MS4A14: variants seen among roughly 807,000 people sequenced by gnomAD.
MS4A14 encodes the protein membrane-spanning 4-domains subfamily A member 14.
MS4A14 carries 18 observed loss-of-function variants against 16.7 expected under a neutral mutation model. The ratio of observed to expected loss-of-function variants is 1.08; its 90% CI spans 0.75 to 1.60. The LOEUF (loss-of-function observed/expected upper bound fraction) is 1.60, where lower values mean the gene tolerates loss of function less well. MS4A14 is among the 40% of genes most tolerant of loss of function. The pLI, the probability that MS4A14 is intolerant of heterozygous loss-of-function variation, is 0.00. For missense variants in MS4A14, 812 were observed against 775.3 expected (o/e 1.05, Z -0.56); for synonymous variants, 305 against 289.4 (o/e 1.05, Z -0.55).
Position 60,416,880 on chromosome 11 carries a change from A to G in MS4A14, c.1912A>G (p.Lys638Glu), listed in dbSNP as rs772826226. The change falls in exon 5 of 5, where the codon AAA (lysine) becomes GAA (glutamate). Residue 638 changes from lysine to glutamate, a missense_variant. Transcript: ENST00000300187. ...GQQAQVEKVP[K>E]LLCQDSESQI... ...GCAAGCTCAGGTGGAGAAAGTGCCAAAACTGTTATGCCAAGATTCAGAATC... is the reference window on the plus strand; with the variant it reads ...GCAAGCTCAGGTGGAGAAAGTGCCAGAACTGTTATGCCAAGATTCAGAATC... 6.2e-7 allele frequency: 1 copy of G among 1,613,644 alleles called. No individual in the cohort carries two copies. The highest frequency in any genetic ancestry group is 2.2e-5 in the East Asian group (1 of 44,874).
In MS4A14 at chr11:60,416,487, G is replaced by T. The variant is rs756863646; in HGVS notation, c.1519G>T (p.Ala507Ser). The change falls in exon 5 of 5, where the codon GCC (alanine) becomes TCC (serine). Residue 507 changes from alanine to serine, a missense_variant. Coordinates refer to ENST00000300187, the MANE Select transcript of MS4A14 (RefSeq NM_032597.5). Reference sequence around the variant, plus strand: ...AAGGAGACATTCTTTAGACGTGCAAGCCAAAGGCCAGAAATCCTCAAAGAG... The same window carrying T: ...AAGGAGACATTCTTTAGACGTGCAATCCAAAGGCCAGAAATCCTCAAAGAG... ...YLRRHSLDVQAKGQKSSKRHS... is the reference protein window; with the variant it reads ...YLRRHSLDVQSKGQKSSKRHS... 1 of 1,613,778 alleles carries T rather than the reference G, an allele frequency of 6.2e-7. No homozygotes were observed. The highest frequency in any genetic ancestry group is 8.5e-7 in the Non-Finnish European group (1 of 1,179,926).
chr11:60,414,417 T>A (rs2085908654), intron 4 of MS4A14, among the ~76,000 whole-genome samples: 1 of 152,136 alleles, frequency 6.6e-6, no homozygotes, highest in South Asian at 2.1e-4. Flanking sequence ...GAGGTAAGCA[T>A]AATTAATTCA....
In MS4A14 at chr11:60,406,029, C is replaced by T. The variant is rs2085781452; in HGVS notation, c.468+2968C>T. 3 of 1,258,298 alleles carry T rather than the reference C, an allele frequency of 2.4e-6. No homozygotes were observed. In the East Asian group the frequency reaches 8.4e-5, roughly 35 times the overall value. The allele number at this position is 1,258,298 out of a possible 1,614,324, so 77.9% of individuals were successfully genotyped here. A position where few individuals can be genotyped will look rare whatever the true frequency, so the allele number is the denominator to read the frequency against. On this transcript the variant is annotated intron_variant, in intron 4 of 4. Transcript: ENST00000300187. The stretch of plus-strand genomic sequence containing the variant: ...CTTAATATTATTAAGAGAACAGGTT[C>T]CTGTTCCTGTTGGGATACTGCACAC...
intron 1 of MS4A14, 81 bp from the exon 2 acceptor site, chr11:60,397,771 G>T: frequency 7.3e-7 from 1 of 1,361,592 alleles, no homozygotes. Context: ...GTGTGCCATG[G>T]AGGCACACCC....
chr11:60,405,246 A>G (rs1007537394), intron 4 of MS4A14, among the ~76,000 whole-genome samples: 5 of 151,936 alleles, frequency 3.3e-5, no homozygotes, highest in Admixed American at 2.6e-4. Flanking sequence ...GGCCCAGCTA[A>G]TTTTGTATTT....
At chr11:60,399,542 T>C (rs1331989641) in intron 2 of MS4A14, among the ~76,000 whole-genome samples, 2 of 152,200 alleles carry the variant, frequency 1.3e-5, no homozygotes, top group African/African-American at 4.8e-5. Flanking sequence ...AAGAGGATAG[T>C]GACACTTGAA....
At chr11:60,401,499 G>A (rs185693387) in intron 3 of MS4A14, among the ~76,000 whole-genome samples, 2 of 152,308 alleles carry the variant, frequency 1.3e-5, no homozygotes, top group African/African-American at 2.4e-5. Flanking sequence ...ATGGAGGTGT[G>A]CAGGAATGAT....
In MS4A14 at chr11:60,415,619, A is replaced by T. The variant is rs1008779564; in HGVS notation, c.651A>T (p.Leu217Phe). 1.2e-6 allele frequency: 2 copies of T among 1,613,836 alleles called. No individual in the cohort carries two copies. Among genetic ancestry groups the T allele is most frequent in the Non-Finnish European group, 1.7e-6 (2 of 1,179,798 alleles). Reference protein sequence around the residue: ...FFKLTLSRSPLVSQPGNKGRE... With the variant: ...FFKLTLSRSPFVSQPGNKGRE... Reference sequence around the variant, plus strand: ...AGTTAACACTCTCTAGGAGTCCTTTAGTCTCCCAACCAGGTAATAAAGGTA... The same window carrying T: ...AGTTAACACTCTCTAGGAGTCCTTTTGTCTCCCAACCAGGTAATAAAGGTA... The change falls in exon 5 of 5, where the codon TTA (leucine) becomes TTT (phenylalanine). Residue 217 changes from leucine to phenylalanine, a missense_variant. Coordinates refer to ENST00000300187, the MANE Select transcript of MS4A14 (RefSeq NM_032597.5).
chr11:60,397,631 T>A (rs529872154), intron 1 of MS4A14, among the ~76,000 whole-genome samples: 24 of 152,072 alleles, frequency 1.6e-4, no homozygotes, highest in Admixed American at 1.0e-3. Flanking sequence ...TAATAAAGAA[T>A]AAAAGTGAAG....
At position 60,416,154 on chromosome 11, in the gene MS4A14, C is replaced by A; in HGVS notation, c.1186C>A (p.Pro396Thr). The change falls in exon 5 of 5, where the codon CCA (proline) becomes ACA (threonine). Residue 396 changes from proline (P) to threonine (T), a missense_variant. Physicochemically the swap from Pro to Thr is conservative, Grantham distance 38. Transcript: ENST00000300187. ...TCAAGACACACCATCCCACGCCATG[C>A]CACCTCAAGACATACCTTCCCAAGA... Reference protein sequence around the residue: ...LSQDTPSHAMPPQDIPSQDML... With the variant: ...LSQDTPSHAMTPQDIPSQDML... The A allele has an allele frequency of 6.2e-7, 1 of 1,612,528 alleles. No homozygotes were observed. The highest frequency in any genetic ancestry group is 8.5e-7 in the Non-Finnish European group (1 of 1,179,394).
At chr11:60,399,494 T>A (rs1238303739) in intron 2 of MS4A14, among the ~76,000 whole-genome samples, 4 of 152,152 alleles carry the variant, frequency 2.6e-5, no homozygotes, top group Non-Finnish European at 5.9e-5. Context: ...AAATGGAACT[T>A]CAATGTGAAA....
In MS4A14 at chr11:60,403,793, G is replaced by A. The variant is rs927861322; in HGVS notation, c.468+732G>A. ...TTATTCCTACCAGCTATATCTTGAAGCATGGGTTCTATAATTTGAAGAATA... is the reference window on the plus strand; with the variant it reads ...TTATTCCTACCAGCTATATCTTGAAACATGGGTTCTATAATTTGAAGAATA... On this transcript the variant is annotated intron_variant, in intron 4 of 4. Transcript: ENST00000300187. Among the ~76,000 whole-genome samples the A allele has an allele frequency of 2.0e-5, 3 of 152,164 alleles. 1 individual carries two copies. Among genetic ancestry groups the A allele is most frequent in the Middle Eastern group, 6.3e-3 (2 of 316 alleles).
In MS4A14 at chr11:60,402,913, G is replaced by A. The variant is rs202236686; in HGVS notation, c.320G>A (p.Gly107Asp). ...TVTDKKSKLLGQGVTGMNVIS... is the reference protein window; with the variant it reads ...TVTDKKSKLLDQGVTGMNVIS... ...TATCATTTTTAAACTATCTTTCAGGGTCAAGGTGTCACGGGCATGAATGTT... is the reference window on the plus strand; with the variant it reads ...TATCATTTTTAAACTATCTTTCAGGATCAAGGTGTCACGGGCATGAATGTT... The change falls in exon 4 of 5, where the codon GGT (glycine) becomes GAT (aspartate). Residue 107 changes from glycine to aspartate, a missense_variant and splice_region_variant. By Grantham distance (94) the Gly-to-Asp change is moderately conservative. Coordinates refer to ENST00000300187, the MANE Select transcript of MS4A14 (RefSeq NM_032597.5). 4 of 1,613,286 alleles carry A rather than the reference G, an allele frequency of 2.5e-6. No homozygotes were observed. The East Asian group carries it at 6.7e-5, about 27-fold the overall frequency.
chr11:60,400,418 A>T lies in MS4A14; in HGVS notation c.282A>T (p.Gly94=), dbSNP rs1476029139. The change falls in exon 3 of 5, where the codon GGA becomes GGT. Residue 94 remains glycine (G), a synonymous_variant. Transcript: ENST00000300187. ...FWGALIFILT[G]YLTVTDKKSK... is the part of the protein sequence containing the mutation. ...CTTCTTAACAGTTTATTCTTACAGG[A>T]TACCTCACAGTAACCGATAAGAAAT... 1.2e-6 allele frequency: 2 copies of T among 1,605,756 alleles called. No homozygotes were observed. The highest frequency in any genetic ancestry group is 1.1e-5 in the South Asian group (1 of 90,112).
At chr11:60,398,101 C>T in intron 2 of MS4A14, 121 bp downstream of exon 2, 2 of 996,146 alleles carry the variant, frequency 2.0e-6, no homozygotes, top group South Asian at 3.3e-5. Flanking sequence ...AAAGGCAGCT[C>T]CCTTCACGGC....
chr11:60,406,371 G>C (rs2085786362), intron 4 of MS4A14, among the ~76,000 whole-genome samples: 1 of 152,096 alleles, frequency 6.6e-6, no homozygotes, highest in Non-Finnish European at 1.5e-5. Flanking sequence ...AGGAAAAAAA[G>C]CTGTTACTAC....
In MS4A14 at chr11:60,416,287, T is replaced by G. The variant is rs1346778972; in HGVS notation, c.1319T>G (p.Leu440Arg). 5 of 1,613,942 alleles carry G rather than the reference T, an allele frequency of 3.1e-6. No homozygotes were observed. The highest frequency in any genetic ancestry group is 4.2e-6 in the Non-Finnish European group (5 of 1,179,954). The change falls in exon 5 of 5, where the codon CTT becomes CGT. Residue 440 changes from leucine (L) to arginine (R), a missense_variant. Physicochemically the swap from Leu to Arg is moderately radical, Grantham distance 102 (BLOSUM62 -2). Transcript: ENST00000300187. ...IQHLLQQPPD[L>R]QPENTEPQNQ... Reference sequence around the variant, plus strand: ...CACCTACTTCAGCAGCCCCCAGATCTTCAACCAGAAAACACTGAACCTCAA... The same window carrying G: ...CACCTACTTCAGCAGCCCCCAGATCGTCAACCAGAAAACACTGAACCTCAA...
chr11:60,401,387 G>A (rs1177722053), intron 3 of MS4A14, among the ~76,000 whole-genome samples: 2 of 152,164 alleles, frequency 1.3e-5, no homozygotes, highest in Admixed American at 6.5e-5. Flanking sequence ...CAATGCAGAT[G>A]AAGCCCCAAA....
chr11:60,400,448 A>G lies in MS4A14; in HGVS notation c.312A>G (p.Lys104=), dbSNP rs770035075. Residue 104 remains lysine (K), a synonymous_variant, in exon 3 of 5, where the codon AAA becomes AAG. Transcript: ENST00000300187. ...TCACAGTAACCGATAAGAAATCAAA[A>G]CTTCTGGTAAGCCACTTAAACTACA... ...GYLTVTDKKS[K]LLGQGVTGMN... 5 of 1,604,546 alleles carry G rather than the reference A, an allele frequency of 3.1e-6. No homozygotes were observed. The highest frequency in any genetic ancestry group is 4.3e-6 in the Non-Finnish European group (5 of 1,172,600).
Sources: gnomAD v4.1 joint callset for allele counts (sites outside exome capture counted in the v4.1 genomes callset) on GRCh38, gnomAD v4.1.1 for gene constraint, MANE v1.5 for transcripts, NCBI Gene and HGNC (gene_info 2026-07-23, HGNC 2026-07-21) for gene names.